Variants in ZNF638 observed in about 807,000 individuals in gnomAD.
ZNF638 encodes CTCL tumor antigen se33-1.
In ZNF638, 46 loss-of-function variants were observed where a neutral mutation model predicts 195.6. That is an observed-to-expected ratio of 0.24 (90% confidence interval 0.19 to 0.30). The LOEUF (loss-of-function observed/expected upper bound fraction) is 0.30, where lower values mean the gene tolerates loss of function less well. Among genes scored for constraint, ZNF638 ranks in the 10% least tolerant of loss-of-function variants. The pLI is 1.00. For synonymous variants in ZNF638, 845 were observed against 772.0 expected, an observed-to-expected ratio of 1.09 and a Z score of -1.57; for missense variants, 2,440 against 2,325.3, an observed-to-expected ratio of 1.05 and a Z score of -1.01.
intron 20 of ZNF638, 107 bp downstream of exon 20, chr2:71,408,354 A>G: frequency 7.5e-7 from 1 of 1,334,278 alleles, no homozygotes; most frequent in South Asian, 1.6e-5. Context: ...GATGATTTTT[A>G]TAATTTGTGT....
intron 3 of ZNF638, among the ~76,000 whole-genome samples, chr2:71,356,223 G>A (rs1310025584): frequency 6.6e-6 from 1 of 152,174 alleles, no homozygotes; most frequent in Non-Finnish European, 1.5e-5. Flanking sequence ...GTAAGGGATG[G>A]ACAAGCTAGA....
intron 21 of ZNF638, 128 bp from the exon 22 acceptor site, chr2:71,422,686 G>T (rs2080456660): frequency 3.3e-6 from 3 of 915,852 alleles, no homozygotes; most frequent in African/African-American, 1.7e-5. Context: ...TGCTTATTAC[G>T]AATGCATCAG....
chr2:71,393,052 C>T (rs2079816024), intron 10 of ZNF638, among the ~76,000 whole-genome samples: 1 of 152,158 alleles, frequency 6.6e-6, no homozygotes, highest in African/African-American at 2.4e-5. Context: ...ACATATTCAA[C>T]AATTTTGTCA....
intron 20 of ZNF638, chr2:71,408,576 G>T: frequency 3.4e-6 from 1 of 297,242 alleles, no homozygotes; most frequent in Non-Finnish European, 6.6e-6. Context: ...GCTTCCTCTG[G>T]GTAGAAAGAA....
chr2:71,417,452 T>C (rs982249273), intron 20 of ZNF638, among the ~76,000 whole-genome samples: 2 of 152,248 alleles, frequency 1.3e-5, no homozygotes, highest in East Asian at 3.9e-4. Context: ...TCGCTCACGC[T>C]GGGAGCTGTA....
intron 7 of ZNF638, among the ~76,000 whole-genome samples, chr2:71,369,388 C>G (rs1046896239): frequency 2.0e-5 from 3 of 151,606 alleles, no homozygotes; most frequent in Non-Finnish European, 2.9e-5. Context: ...TCTGTAATCC[C>G]AGTACTTTGG....
intron 8 of ZNF638, among the ~76,000 whole-genome samples, chr2:71,371,689 T>A (rs1205314887): frequency 1.8e-5 from 2 of 112,134 alleles, no homozygotes; most frequent in South Asian, 3.2e-4. Flanking sequence ...ATTTTTTTTT[T>A]ATCAGAGTAT....
In ZNF638 at chr2:71,336,387, A is replaced by C. The variant is rs866846606; in HGVS notation, c.-203+4512A>C. On this transcript the variant is annotated intron_variant, in intron 1 of 27. Transcript: ENST00000264447. Reference sequence around the variant, plus strand: ...ATTCCATCTCCAAAAAAAAAAAAAAAAAAAAAAAAAAAACCAAAAAAACAC... The same window carrying C: ...ATTCCATCTCCAAAAAAAAAAAAAACAAAAAAAAAAAAACCAAAAAAACAC... Among the ~76,000 whole-genome samples the C allele has an allele frequency of 3.2e-3, 478 of 150,520 alleles. 2 individuals are homozygous for C. The highest frequency in any genetic ancestry group is 0.011 in the African/African-American group (447 of 41,010).
intron 27 of ZNF638, 40 bp from the exon 28 acceptor site, chr2:71,434,702 C>T (rs138609522): frequency 2.1e-5 from 33 of 1,554,044 alleles, no homozygotes; most frequent in African/African-American, 1.1e-4. Flanking sequence ...AGCAAAATAA[C>T]GTCTAATAAG....
Position 71,349,327 on chromosome 2 carries a change from A to T in ZNF638, c.373A>T (p.Thr125Ser). 1.2e-6 allele frequency: 2 copies of T among 1,614,232 alleles called. No homozygotes were observed. The highest frequency in any genetic ancestry group is 1.7e-6 in the Non-Finnish European group (2 of 1,180,044). ...AVKQSSVTQV[T>S]EQSPKVQSRY... ...GAAACAGAGTTCTGTAACACAGGTT[A>T]CAGAGCAGAGTCCCAAAGTACAGAG... Residue 125 changes from threonine to serine, a missense_variant, in exon 2 of 28, where the codon ACA (threonine) becomes TCA (serine). Thr to Ser is a moderately conservative substitution (Grantham distance 58). Around this residue, in one of 5 missense-constraint regions of ZNF638, gnomAD observed 191 missense variants for 173.8 expected, o/e 1.10. Coordinates refer to ENST00000264447, the MANE Select transcript of ZNF638 (RefSeq NM_014497.5).
chr2:71,426,035 A>G (rs1168713999), intron 23 of ZNF638, among the ~76,000 whole-genome samples: 2 of 152,232 alleles, frequency 1.3e-5, no homozygotes, highest in Non-Finnish European at 2.9e-5. Flanking sequence ...CAGCCTAATT[A>G]GCTGTTTACT....
chr2:71,388,015 CT>C (rs2079679101), intron 10 of ZNF638, among the ~76,000 whole-genome samples: 1 of 152,072 alleles, frequency 6.6e-6, no homozygotes, highest in South Asian at 2.1e-4. Context: ...TACAACTACA[CT>C]TATAATTAAA....
intron 10 of ZNF638, chr2:71,393,350 C>CTACAAATGAA (rs2079824865): frequency 2.8e-6 from 2 of 710,232 alleles, no homozygotes; most frequent in Non-Finnish European, 5.3e-6. Flanking sequence ...AAATGAATTG[C>CTACAAATGAA]TAACGTGGGG....
chr2:71,416,833 G>C (rs529045257), intron 20 of ZNF638, among the ~76,000 whole-genome samples: 2 of 133,376 alleles, frequency 1.5e-5, no homozygotes, highest in East Asian at 4.6e-4. Flanking sequence ...CAGTCTGCCC[G>C]TTCTCAGATC....
chr2:71,346,159 CATT>C (rs1445709087), intron 1 of ZNF638, among the ~76,000 whole-genome samples: 2 of 152,118 alleles, frequency 1.3e-5, no homozygotes, highest in Non-Finnish European at 2.9e-5. Flanking sequence ...GGGGGAGAAA[CATT>C]ATTTGAAAGA....
chr2:71,359,956 G>T (rs1419350187), intron 3 of ZNF638, among the ~76,000 whole-genome samples: 1 of 152,114 alleles, frequency 6.6e-6, no homozygotes, highest in Non-Finnish European at 1.5e-5. Flanking sequence ...TGTGTGCTGG[G>T]CATTCTTAGT....
Position 71,405,200 on chromosome 2 carries a change from G to A in ZNF638, c.2959-401G>A, listed in dbSNP as rs537812696. On this transcript the variant is annotated intron_variant, in intron 17 of 27. Coordinates refer to ENST00000264447, the MANE Select transcript of ZNF638 (RefSeq NM_014497.5). ...TTCATAATTCAGTAGCATCAAATCT[G>A]CATTTATGCTCTGTGCTGTTTTATT... 3.9e-5 allele frequency among the ~76,000 whole-genome samples: 6 copies of A among 152,212 alleles called. No homozygotes were observed. The East Asian group carries it at 1.2e-3, about 29-fold the overall frequency.
chr2:71,366,823 G>A (rs1434153001), intron 6 of ZNF638, among the ~76,000 whole-genome samples: 1 of 152,122 alleles, frequency 6.6e-6, no homozygotes, highest in Non-Finnish European at 1.5e-5. Flanking sequence ...TATTTTGACT[G>A]TAACCTACTG....
At position 71,426,708 on chromosome 2, in the gene ZNF638, T is replaced by A; in HGVS notation, c.4839T>A (p.His1613Gln). Residue 1613 changes from histidine (H) to glutamine (Q), a missense_variant, in exon 24 of 28, where the codon CAT (histidine) becomes CAA (glutamine). Around this residue, in one of 5 missense-constraint regions of ZNF638, gnomAD observed 1,883 missense variants for 1,739.1 expected, o/e 1.08. Transcript: ENST00000264447. ...EIGEEEDAAA[H>Q]LAQALVTVDE... ...GGGAAGAGGAAGATGCAGCTGCACA[T>A]CTAGCACAAGCTCTAGTCACTGTGG... The A allele has an allele frequency of 2.5e-6, 4 of 1,614,188 alleles. No individual in the cohort carries two copies. Among genetic ancestry groups the A allele is most frequent in the Non-Finnish European group, 3.4e-6 (4 of 1,180,032 alleles).
Sources: allele counts gnomAD v4.1 joint callset (sites outside exome capture counted in the v4.1 genomes callset), GRCh38; gene constraint gnomAD v4.1.1; regional missense constraint gnomAD v4.1.1; transcripts MANE v1.5; gene names NCBI Gene and HGNC (gene_info 2026-07-23, HGNC 2026-07-21).